CPVL: variants seen among roughly 807,000 people sequenced by gnomAD.
CPVL encodes probable serine carboxypeptidase CPVL.
Under a neutral mutation model 63.7 loss-of-function variants are expected in CPVL, and 51 were observed. The observed-to-expected ratio is 0.80, with a 90% CI of 0.64 to 1.01. The LOEUF (loss-of-function observed/expected upper bound fraction) is 1.01, where lower values mean the gene tolerates loss of function less well. Among genes scored for constraint, CPVL ranks in the 50% least tolerant of loss-of-function variants. CPVL has a pLI of 0.00. For missense variants in CPVL, 530 were observed against 573.1 expected, an observed-to-expected ratio of 0.92 and a Z score of 0.77; for synonymous variants, 195 against 206.0, an observed-to-expected ratio of 0.95 and a Z score of 0.46.
At chr7:29,016,814 C>T (rs1394176248) in intron 12 of CPVL, among the ~76,000 whole-genome samples, 1 of 152,178 alleles carries the variant, frequency 6.6e-6, no homozygotes, top group Non-Finnish European at 1.5e-5. Flanking sequence ...TCAGTCCTCA[C>T]AGCTTGGGCA....
At chr7:29,111,656 C>G (rs1000044601) in intron 3 of CPVL, among the ~76,000 whole-genome samples, 12 of 152,186 alleles carry the variant, frequency 7.9e-5, no homozygotes, top group Admixed American at 5.9e-4. Context: ...CCACATCCCA[C>G]CACAGGCTGC....
chr7:29,127,663 G>A (rs1457927804), intron 1 of CPVL: 1 of 152,202 alleles, frequency 6.6e-6, no homozygotes, highest in Non-Finnish European at 1.5e-5. Flanking sequence ...TTTTTCTCCT[G>A]AGAGCTGGCC....
intron 11 of CPVL, among the ~76,000 whole-genome samples, chr7:29,053,182 TG>T (rs1790376420): frequency 6.6e-6 from 1 of 152,142 alleles, no homozygotes; most frequent in African/African-American, 2.4e-5. Context: ...GTGGAGAAAC[TG>T]GAACTTCAAA....
intron 6 of CPVL, among the ~76,000 whole-genome samples, chr7:29,087,363 G>A (rs1785314109): frequency 1.4e-5 from 2 of 147,482 alleles, no homozygotes; most frequent in African/African-American, 5.1e-5. Context: ...GGCTGAGGTT[G>A]CAGTGAGCTG....
rs1792645437 is a variant in CPVL at position 29,146,399 on chromosome 7, C to T, written c.-11+30G>A. On this transcript the variant is annotated intron_variant, in intron 1 of 12. Transcript: ENST00000265394. ...GCGAGGACCTGTCCCGCTGAGCTGG[C>T]ACGACCCACGCAGGGCAGGCGGCAC... The T allele has an allele frequency of 1.0e-5, 9 of 875,744 alleles. No individual in the cohort carries two copies. The East Asian group carries it at 2.2e-4, about 22-fold the overall frequency. 54.2% of individuals were successfully genotyped at this position (875,744 alleles called of 1,614,324 possible).
intron 11 of CPVL, among the ~76,000 whole-genome samples, chr7:29,060,842 C>T (rs750873799): frequency 5.9e-5 from 9 of 152,078 alleles, no homozygotes; most frequent in Non-Finnish European, 1.3e-4. Context: ...AAATTAGTAC[C>T]GAGTCTTACA....
At chr7:29,087,301 G>A (rs1470413341) in intron 6 of CPVL, among the ~76,000 whole-genome samples, 1 of 151,626 alleles carries the variant, frequency 6.6e-6, no homozygotes, top group African/African-American at 2.4e-5. Context: ...GTGCGCGCCT[G>A]TAGTCCCAGC....
chr7:29,140,412 GTAGT>G (rs1371444367), intron 1 of CPVL, among the ~76,000 whole-genome samples: 4 of 152,188 alleles, frequency 2.6e-5, no homozygotes, highest in Admixed American at 6.5e-5. Context: ...AACTTGTGGA[GTAGT>G]TAAAGATGAA....
At chr7:29,087,535 T>G (rs1233065353) in intron 6 of CPVL, among the ~76,000 whole-genome samples, 1 of 151,692 alleles carries the variant, frequency 6.6e-6, no homozygotes, top group Non-Finnish European at 1.5e-5. Flanking sequence ...GATTTTTAAA[T>G]GATTCTTTAC....
chr7:29,008,088 A>C (rs1785383852), intron 12 of CPVL, among the ~76,000 whole-genome samples: 1 of 152,138 alleles, frequency 6.6e-6, no homozygotes, highest in African/African-American at 2.4e-5. Flanking sequence ...ATGAAAGGCA[A>C]ATGGGAGTTT....
intron 11 of CPVL, among the ~76,000 whole-genome samples, chr7:29,032,192 C>G (rs1224167025): frequency 6.6e-6 from 1 of 152,096 alleles, no homozygotes; most frequent in Non-Finnish European, 1.5e-5. Context: ...AAGTTTCCGT[C>G]TTTCCCTTTA....
intron 1 of CPVL, among the ~76,000 whole-genome samples, chr7:29,188,933 T>C (rs1019178898): frequency 6.6e-6 from 1 of 150,640 alleles, no homozygotes; most frequent in Non-Finnish European, 1.5e-5. Context: ...AGCAAGGATA[T>C]AGTTTTCCTC....
intron 3 of CPVL, among the ~76,000 whole-genome samples, chr7:29,104,328 T>G (rs532095721): frequency 6.6e-6 from 1 of 152,190 alleles, no homozygotes; most frequent in African/African-American, 2.4e-5. Flanking sequence ...ATGGCACGAC[T>G]TGGCTCACTG....
At chr7:29,149,341 C>T (rs1043952443), upstream of CPVL, among the ~76,000 whole-genome samples, 18 of 151,830 alleles carry the variant, frequency 1.2e-4, no homozygotes, top group African/African-American at 3.6e-4. Context: ...TACAAGCACC[C>T]GCCACCACAG....
At chr7:29,179,224 C>T (rs1039554358) in intron 5 of CPVL, among the ~76,000 whole-genome samples, 3 of 152,200 alleles carry the variant, frequency 2.0e-5, no homozygotes, top group Non-Finnish European at 2.9e-5. Flanking sequence ...TCAGAAGGCT[C>T]CATCCCCTCA....
chr7:29,108,494 G>A (rs1449250972), intron 3 of CPVL, among the ~76,000 whole-genome samples: 3 of 152,010 alleles, frequency 2.0e-5, no homozygotes, highest in African/African-American at 7.2e-5. Context: ...TGATGGCTGG[G>A]GTTCAGGTCC....
intron 1 of CPVL, chr7:29,193,137 G>A (rs1783113741): frequency 6.6e-6 from 1 of 152,138 alleles, no homozygotes; most frequent in Non-Finnish European, 1.5e-5. Flanking sequence ...ACAGTTGAGG[G>A]GTAGGAAGAC....
upstream of CPVL, chr7:29,146,837 T>G: frequency 6.4e-7 from 1 of 1,550,930 alleles, no homozygotes; most frequent in Non-Finnish European, 8.7e-7. Flanking sequence ...TGAAATTATT[T>G]CTGCACTCTA....
intron 11 of CPVL, among the ~76,000 whole-genome samples, chr7:29,030,995 G>T (rs763413210): frequency 6.6e-6 from 1 of 152,138 alleles, no homozygotes; most frequent in Non-Finnish European, 1.5e-5. Context: ...AAACATTTGT[G>T]TTGTATTACT....
Sources: allele counts gnomAD v4.1 joint callset (sites outside exome capture counted in the v4.1 genomes callset), GRCh38; gene constraint gnomAD v4.1.1; transcripts MANE v1.5; gene names NCBI Gene and HGNC (gene_info 2026-07-23, HGNC 2026-07-21).